Variants in LRP1B observed in about 807,000 individuals in gnomAD.
LRP1B encodes the protein low-density lipoprotein receptor-related protein 1B.
Under a neutral mutation model 556.6 loss-of-function variants are expected in LRP1B, and 217 were observed. The ratio of observed to expected loss-of-function variants is 0.39; its 90% CI spans 0.35 to 0.44. The LOEUF (loss-of-function observed/expected upper bound fraction) is 0.44, where lower values mean the gene tolerates loss of function less well. LRP1B is among the 20% of genes least tolerant of loss of function. The pLI, the probability that LRP1B is intolerant of heterozygous loss-of-function variation, is 1.00. For synonymous variants in LRP1B, 2,047 were observed against 1,865.8 expected (o/e 1.10, Z -2.50); for missense variants, 5,053 against 5,620.8 (o/e 0.90, Z 3.23).
At chr2:140,855,239 A>G (rs955053061) in intron 27 of LRP1B, among the ~76,000 whole-genome samples, 6 of 151,636 alleles carry the variant, frequency 4.0e-5, no homozygotes, top group African/African-American at 9.7e-5. Context: ...CACTGGCTCA[A>G]TTTAGGTTTT....
chr2:140,986,748 A>T (rs1349086564), intron 17 of LRP1B, among the ~76,000 whole-genome samples: 2 of 152,192 alleles, frequency 1.3e-5, no homozygotes, highest in Non-Finnish European at 2.9e-5. Context: ...CTTCACTCTT[A>T]GCTTCTTGAG....
At chr2:141,816,466 A>AGCTTTTGG (rs1696551523) in intron 1 of LRP1B, among the ~76,000 whole-genome samples, 1 of 152,142 alleles carries the variant, frequency 6.6e-6, no homozygotes, top group African/African-American at 2.4e-5. Context: ...CAAGTTCTGC[A>AGCTTTTGG]GCTTTTGGGC....
intron 2 of LRP1B, among the ~76,000 whole-genome samples, chr2:141,512,053 A>T (rs1559113503): frequency 6.6e-6 from 1 of 152,224 alleles, no homozygotes; most frequent in African/African-American, 2.4e-5. Context: ...AATGCAAAAG[A>T]TGCACAATTT....
At chr2:141,964,208 T>A (rs1701490122) in intron 1 of LRP1B, among the ~76,000 whole-genome samples, 1 of 150,574 alleles carries the variant, frequency 6.6e-6, no homozygotes. Flanking sequence ...CCCATCAAGC[T>A]ACCAATGACT....
chr2:141,613,646 G>A (rs771461242), intron 2 of LRP1B, among the ~76,000 whole-genome samples: 1 of 152,088 alleles, frequency 6.6e-6, no homozygotes, highest in Admixed American at 6.6e-5. Context: ...CTTCGCAAAC[G>A]TGTCTCAGAA....
chr2:140,712,818 CT>C (rs570136475), intron 37 of LRP1B, among the ~76,000 whole-genome samples: 47 of 152,100 alleles, frequency 3.1e-4, no homozygotes, highest in African/African-American at 1.1e-3. Context: ...CTGTTCTCTG[CT>C]TTTTTTCTCT....
At chr2:140,727,215 A>C (rs572968030) in intron 35 of LRP1B, among the ~76,000 whole-genome samples, 1 of 152,304 alleles carries the variant, frequency 6.6e-6, no homozygotes. Context: ...AAGGCTTAGT[A>C]CTACTGATGA....
chr2:141,627,078 T>C (rs1010705584), intron 2 of LRP1B, among the ~76,000 whole-genome samples: 1 of 152,126 alleles, frequency 6.6e-6, no homozygotes, highest in Admixed American at 6.6e-5. Flanking sequence ...GATAAGTAAA[T>C]TGAGGTATAT....
chr2:142,042,568 T>G (rs1704099854), intron 1 of LRP1B, among the ~76,000 whole-genome samples: 1 of 151,512 alleles, frequency 6.6e-6, no homozygotes, highest in Admixed American at 6.6e-5. Flanking sequence ...TTTAACTGTT[T>G]GTTATTCACA....
chr2:141,647,601 A>T (rs1056879009), intron 2 of LRP1B, among the ~76,000 whole-genome samples: 5 of 152,140 alleles, frequency 3.3e-5, no homozygotes, highest in African/African-American at 1.2e-4. Context: ...CTAAGCTTTT[A>T]CTTTATATTT....
At chr2:141,030,155 TTA>T (rs1698326385) in intron 11 of LRP1B, among the ~76,000 whole-genome samples, 1 of 152,282 alleles carries the variant, frequency 6.6e-6, no homozygotes, top group South Asian at 2.1e-4. Context: ...GAATATTCAG[TTA>T]TGTTTCTGTG....
intron 1 of LRP1B, among the ~76,000 whole-genome samples, chr2:142,115,285 G>A (rs973370970): frequency 3.3e-5 from 5 of 150,374 alleles, no homozygotes; most frequent in Admixed American, 6.8e-5. Context: ...ATCTGGCAGT[G>A]TTAGAAAATA....
At chr2:140,992,250 C>CA (rs984926422) in intron 16 of LRP1B, among the ~76,000 whole-genome samples, 5 of 151,662 alleles carry the variant, frequency 3.3e-5, no homozygotes, top group East Asian at 1.9e-4. Context: ...AAAAAAAACA[C>CA]AAAAAAACCA....
intron 3 of LRP1B, among the ~76,000 whole-genome samples, chr2:141,272,313 A>G (rs1251255010): frequency 6.6e-6 from 1 of 152,076 alleles, no homozygotes; most frequent in Non-Finnish European, 1.5e-5. Flanking sequence ...TAAGAAAACA[A>G]CTCAAACCTA....
chr2:141,822,130 C>CACACACACAGAGAGAGAGAG (rs374369026), intron 1 of LRP1B, among the ~76,000 whole-genome samples: 13 of 95,888 alleles, frequency 1.4e-4, no homozygotes, highest in African/African-American at 5.8e-4. Flanking sequence ...CACACACACA[C>CACACACACAGAGAGAGAGAG]AGAGAGAGAG....
intron 25 of LRP1B, among the ~76,000 whole-genome samples, chr2:140,879,323 T>C (rs1371905244): frequency 6.6e-6 from 1 of 152,150 alleles, no homozygotes; most frequent in African/African-American, 2.4e-5. Context: ...CTCTGAAACG[T>C]TTTTCTAGTG....
chr2:141,539,764 C>A (rs1685188969), intron 2 of LRP1B, among the ~76,000 whole-genome samples: 1 of 152,036 alleles, frequency 6.6e-6, no homozygotes, highest in Non-Finnish European at 1.5e-5. Flanking sequence ...AGTAAATAAG[C>A]AAGGTATTGT....
intron 7 of LRP1B, among the ~76,000 whole-genome samples, chr2:141,139,422 T>C (rs1574115199): frequency 6.6e-6 from 1 of 151,834 alleles, no homozygotes; most frequent in East Asian, 1.9e-4. Context: ...AAGTCACAGA[T>C]TGGGAAAAAA....
At chr2:141,173,487 C>T (rs1466836599) in intron 7 of LRP1B, among the ~76,000 whole-genome samples, 2 of 152,090 alleles carry the variant, frequency 1.3e-5, no homozygotes, top group African/African-American at 4.8e-5. Context: ...ATTAATCCAA[C>T]CCATGCTACA....
Sources: allele counts gnomAD v4.1 joint callset (sites outside exome capture counted in the v4.1 genomes callset), GRCh38; gene constraint gnomAD v4.1.1; transcripts MANE v1.5; gene names NCBI Gene and HGNC (gene_info 2026-07-23, HGNC 2026-07-21).